Variants in ZFP2 observed in about 807,000 individuals in gnomAD.
ZFP2 encodes the protein ZFP2 zinc finger protein, also known as zinc finger protein ZFP2.
In ZFP2, 33 loss-of-function variants were observed where a neutral mutation model predicts 36.1. The ratio of observed to expected loss-of-function variants is 0.92; its 90% CI spans 0.69 to 1.22. ZFP2 has a LOEUF of 1.22. Among genes scored for constraint, ZFP2 ranks in the 50% most tolerant of loss-of-function variants. ZFP2 has a pLI of 0.00. For synonymous variants in ZFP2, 170 were observed against 178.0 expected (o/e 0.96, Z 0.36); for missense variants, 522 against 551.4 (o/e 0.95, Z 0.53).
intron 4 of ZFP2, chr5:178,922,314 G>GT: frequency 1.1e-6 from 1 of 950,056 alleles, no homozygotes; most frequent in Non-Finnish European, 1.7e-6. Context: ...TTGAAATGCT[G>GT]TATCTACTTT....
intron 4 of ZFP2, chr5:178,922,314 G>A (rs376543714): frequency 1.1e-6 from 1 of 950,056 alleles, no homozygotes. Flanking sequence ...TTGAAATGCT[G>A]TATCTACTTT....
intron 1 of ZFP2, among the ~76,000 whole-genome samples, chr5:178,902,569 C>G (rs1196272706): frequency 6.6e-6 from 1 of 150,610 alleles, no homozygotes; most frequent in Non-Finnish European, 1.5e-5. Flanking sequence ...GAATGATCCT[C>G]AATGTGGGTT....
rs1331215534 is a variant in ZFP2 at position 178,932,437 on chromosome 5, T to C, written c.1124T>C (p.Ile375Thr). The change falls in exon 5 of 5, where the codon ATT (isoleucine) becomes ACT (threonine). Residue 375 changes from isoleucine to threonine, a missense_variant. By Grantham distance (89) the Ile-to-Thr change is moderately conservative. Coordinates refer to ENST00000361362, the MANE Select transcript of ZFP2 (RefSeq NM_030613.4). ...GRSSLTVHQV[I>T]HTGEKPYECN... ...TCATCCCTTACCGTGCATCAGGTCA[T>C]TCACACTGGAGAGAAACCTTATGAG... is the stretch of plus-strand genomic sequence containing the variant. 6.2e-7 allele frequency: 1 copy of C among 1,614,050 alleles called. No individual in the cohort carries two copies.
intron 1 of ZFP2, among the ~76,000 whole-genome samples, chr5:178,907,718 C>T (rs187344039): frequency 1.3e-5 from 2 of 152,136 alleles, no homozygotes; most frequent in Admixed American, 6.6e-5. Context: ...CCACCAGGAA[C>T]AGAAACTTTG....
intron 1 of ZFP2, among the ~76,000 whole-genome samples, chr5:178,899,281 A>G (rs562781466): frequency 6.6e-6 from 1 of 152,350 alleles, no homozygotes; most frequent in South Asian, 2.1e-4. Flanking sequence ...TGTCTGCCAT[A>G]TAGGTGACAT....
chr5:178,928,644 T>C (rs970936033), intron 4 of ZFP2, among the ~76,000 whole-genome samples: 1 of 152,220 alleles, frequency 6.6e-6, no homozygotes, highest in Non-Finnish European at 1.5e-5. Context: ...GGCTTTGCAG[T>C]GTTCAGTCCC....
chr5:178,907,388 G>A (rs1434709329), intron 1 of ZFP2, among the ~76,000 whole-genome samples: 2 of 151,222 alleles, frequency 1.3e-5, no homozygotes, highest in East Asian at 1.9e-4. Context: ...ATATTTGGGG[G>A]TAGGGAAAGG....
At chr5:178,907,773 C>G (rs921267099) in intron 1 of ZFP2, among the ~76,000 whole-genome samples, 8 of 152,146 alleles carry the variant, frequency 5.3e-5, no homozygotes, top group Non-Finnish European at 7.3e-5. Context: ...TTTCCACTTA[C>G]AACATGAAAA....
At chr5:178,920,738 G>C (rs1758543753) in intron 4 of ZFP2, among the ~76,000 whole-genome samples, 1 of 151,732 alleles carries the variant, frequency 6.6e-6, no homozygotes, top group African/African-American at 2.4e-5. Context: ...CATTTCTTTA[G>C]AGTGTGTTCA....
At chr5:178,909,063 TA>T (rs1219381606) in intron 1 of ZFP2, among the ~76,000 whole-genome samples, 1 of 145,646 alleles carries the variant, frequency 6.9e-6, no homozygotes, top group African/African-American at 2.6e-5. Flanking sequence ...GCTCAGGGCG[TA>T]AAACCCCTCG....
chr5:178,916,790 C>CT, intron 4 of ZFP2, 80 bp downstream of exon 4: 1 of 953,016 alleles, frequency 1.0e-6, no homozygotes, highest in Non-Finnish European at 1.2e-6. Context: ...GAACACATAT[C>CT]TTTTGTTTTG....
chr5:178,912,848 T>C, intron 2 of ZFP2, 129 bp downstream of exon 2: 1 of 889,020 alleles, frequency 1.1e-6, no homozygotes, highest in African/African-American at 1.8e-5. Context: ...CTGTAGAGAA[T>C]GGAAAATGGG....
intron 1 of ZFP2, among the ~76,000 whole-genome samples, chr5:178,899,825 G>C (rs1010003073): frequency 6.6e-6 from 1 of 151,646 alleles, no homozygotes; most frequent in African/African-American, 2.4e-5. Flanking sequence ...CTGGAATACT[G>C]AAGACTTAAC....
At chr5:178,897,621 A>G (rs1367634124) in intron 1 of ZFP2, among the ~76,000 whole-genome samples, 1 of 152,182 alleles carries the variant, frequency 6.6e-6, no homozygotes, top group African/African-American at 2.4e-5. Context: ...ATGAAATGTC[A>G]CTTATTTCAT....
chr5:178,924,907 CAG>C (rs1160490018), intron 4 of ZFP2, among the ~76,000 whole-genome samples: 6 of 148,006 alleles, frequency 4.1e-5, no homozygotes, highest in Non-Finnish European at 7.6e-5. Context: ...GATCAAGAAA[CAG>C]AACATTGCTA....
In ZFP2 at chr5:178,904,482, C is replaced by T. The variant is rs941647736; in HGVS notation, c.-449-8102C>T. 1.7e-4 allele frequency among the ~76,000 whole-genome samples: 26 copies of T among 151,688 alleles called. 1 individual carries two copies. The highest frequency in any genetic ancestry group is 5.8e-4 in the African/African-American group (24 of 41,242). On this transcript the variant is annotated intron_variant, in intron 1 of 4. Transcript: ENST00000361362. ...CTACTGAAATAATCTGCTCACTCTCCGTGGACTTGAAATGGAACCTTTAAA... is the reference window on the plus strand; with the variant it reads ...CTACTGAAATAATCTGCTCACTCTCTGTGGACTTGAAATGGAACCTTTAAA...
chr5:178,919,905 A>G (rs1483648755), intron 4 of ZFP2, among the ~76,000 whole-genome samples: 1 of 152,058 alleles, frequency 6.6e-6, no homozygotes, highest in Non-Finnish European at 1.5e-5. Context: ...TGAAGGTTGC[A>G]GTGAGCCAAG....
At chr5:178,908,595 C>T (rs1306525654) in intron 1 of ZFP2, among the ~76,000 whole-genome samples, 1 of 149,734 alleles carries the variant, frequency 6.7e-6, no homozygotes, top group African/African-American at 2.5e-5. Flanking sequence ...CCATCCCCCC[C>T]TCCCTGCTCT....
chr5:178,933,038 A>G lies in ZFP2; in HGVS notation c.*339A>G, dbSNP rs1758882283. 9.3e-6 allele frequency: 2 copies of G among 215,196 alleles called. No individual in the cohort carries two copies. Among genetic ancestry groups the G allele is most frequent in the Non-Finnish European group, 2.0e-5 (2 of 98,232 alleles). 13.3% of individuals were successfully genotyped at this position (215,196 alleles called of 1,614,324 possible). A position where few individuals can be genotyped will look rare whatever the true frequency, so the allele number is the denominator to read the frequency against. On this transcript the variant is annotated 3_prime_UTR_variant, in exon 5 of 5. Transcript: ENST00000361362. Reference sequence around the variant, plus strand: ...AAAATGTGAGAGTGTTTAACTGGACAGCCCAGAGACCTGGTATGTAGTCCT... The same window carrying G: ...AAAATGTGAGAGTGTTTAACTGGACGGCCCAGAGACCTGGTATGTAGTCCT...
Sources: allele counts gnomAD v4.1 joint callset (sites outside exome capture counted in the v4.1 genomes callset), GRCh38; gene constraint gnomAD v4.1.1; transcripts MANE v1.5; gene names NCBI Gene and HGNC (gene_info 2026-07-23, HGNC 2026-07-21).